The following TANC2 variants were observed in gnomAD, a reference collection of about 807,000 sequenced individuals.
TANC2 encodes tetratricopeptide repeat, ankyrin repeat and coiled-coil containing 2.
In TANC2, 26 loss-of-function variants were observed where a neutral mutation model predicts 210.5. The ratio of observed to expected loss-of-function variants is 0.12; its 90% confidence interval spans 0.09 to 0.17. TANC2 has a LOEUF of 0.17. Ranked by LOEUF, TANC2 falls within the 10% of genes least tolerant of loss-of-function variation. TANC2 has a pLI of 1.00. For synonymous variants in TANC2, 931 were observed against 967.1 expected (o/e 0.96, Z 0.69); for missense variants, 2,129 against 2,608.9 (o/e 0.82, Z 4.01).
At chr17:63,276,071 A>T (rs1043873106) in intron 9 of TANC2, among the ~76,000 whole-genome samples, 9 of 152,266 alleles carry the variant, frequency 5.9e-5, no homozygotes, top group Non-Finnish European at 1.3e-4. Flanking sequence ...TTGCAAAAAA[A>T]TTTTGTAATT....
intron 1 of TANC2, among the ~76,000 whole-genome samples, chr17:62,982,383 A>C (rs1018465002): frequency 6.6e-6 from 1 of 152,140 alleles, no homozygotes; most frequent in African/African-American, 2.4e-5. Context: ...AGTTCTCCCC[A>C]CCTTACCAAT....
chr17:63,160,075 G>T (rs554791086), intron 5 of TANC2, among the ~76,000 whole-genome samples: 1 of 152,362 alleles, frequency 6.6e-6, no homozygotes, highest in African/African-American at 2.4e-5. Flanking sequence ...TGAGAGCAGA[G>T]AGGTTTCTCT....
chr17:63,410,940 A>C (rs556013882), intron 21 of TANC2, among the ~76,000 whole-genome samples: 49 of 152,070 alleles, frequency 3.2e-4, no homozygotes, highest in African/African-American at 1.2e-3. Context: ...AATAGTATAC[A>C]TAAAAAGAAA....
intron 7 of TANC2, among the ~76,000 whole-genome samples, chr17:63,226,788 T>G (rs909421769): frequency 6.6e-6 from 1 of 152,108 alleles, no homozygotes; most frequent in Non-Finnish European, 1.5e-5. Context: ...AGTGGTGGTG[T>G]TCCCCTCCTT....
At chr17:63,069,258 C>T (rs1202260300) in intron 2 of TANC2, among the ~76,000 whole-genome samples, 1 of 152,072 alleles carries the variant, frequency 6.6e-6, no homozygotes, top group Non-Finnish European at 1.5e-5. Context: ...GCTATTGGCA[C>T]TGTTGAAATC....
intron 5 of TANC2, among the ~76,000 whole-genome samples, chr17:63,183,333 G>A (rs1437233470): frequency 6.6e-6 from 1 of 152,202 alleles, no homozygotes; most frequent in Non-Finnish European, 1.5e-5. Flanking sequence ...CAGCATGGCA[G>A]CATGAATCTT....
chr17:63,042,546 G>A (rs547665302), intron 2 of TANC2, among the ~76,000 whole-genome samples: 26 of 152,044 alleles, frequency 1.7e-4, no homozygotes, highest in Non-Finnish European at 3.1e-4. Flanking sequence ...GTGTTAAAAA[G>A]TAAGATGATG....
At chr17:63,033,651 TTA>T (rs2034861621) in intron 2 of TANC2, among the ~76,000 whole-genome samples, 1 of 152,068 alleles carries the variant, frequency 6.6e-6, no homozygotes, top group African/African-American at 2.4e-5. Context: ...AACACCATGT[TTA>T]TAAAGGAAGT....
chr17:63,105,773 A>G (rs943168149), intron 4 of TANC2, among the ~76,000 whole-genome samples: 6 of 151,682 alleles, frequency 4.0e-5, no homozygotes, highest in African/African-American at 7.3e-5. Context: ...ATTAGTCTCT[A>G]TAGTCAAGAT....
chr17:63,256,169 A>C (rs1289795875), intron 8 of TANC2, among the ~76,000 whole-genome samples: 5 of 152,044 alleles, frequency 3.3e-5, no homozygotes, highest in Middle Eastern at 3.4e-3. Context: ...CGGCCTCCCA[A>C]AGTGCTAGGA....
At chr17:62,996,994 T>TTTTTTTTTTTTTTTTTTTTTTTTTTTTG (rs2033144497) in intron 1 of TANC2, among the ~76,000 whole-genome samples, 8 of 143,768 alleles carry the variant, frequency 5.6e-5, no homozygotes, top group African/African-American at 1.9e-4. Flanking sequence ...TTTGTATTTT[T>TTTTTTTTTTTTTTTTTTTTTTTTTTTTG]AGTATAGATG....
intron 4 of TANC2, among the ~76,000 whole-genome samples, chr17:63,123,149 G>A (rs1411871252): frequency 6.6e-6 from 1 of 152,178 alleles, no homozygotes. Context: ...TGCCAAAGAT[G>A]ATTATACAAT....
intron 5 of TANC2, chr17:63,155,223 A>C (rs1224032352): frequency 6.6e-6 from 1 of 152,138 alleles, no homozygotes; most frequent in African/African-American, 2.4e-5. Flanking sequence ...AAACAAAAAC[A>C]AAAACAAAAC....
chr17:62,966,549 C>T lies in TANC2; in HGVS notation c.-224C>T, dbSNP rs1337543833. On this transcript the variant is annotated 5_prime_UTR_variant, in exon 1 of 28. Transcript: ENST00000689528. This position sits in a 1 kb window ranked among gnomAD's most constrained non-coding sequence, Gnocchi z 5.1. The stretch of plus-strand genomic sequence containing the variant: ...GAGCTGGCCCCCGAGCCGCCGCTGA[C>T]AGGAGCACCGCCGCGGGCTGCGCTC... 6.6e-6 allele frequency among the ~76,000 whole-genome samples: 1 copy of T among 150,624 alleles called. No individual in the cohort carries two copies. Among genetic ancestry groups the T allele is most frequent in the Non-Finnish European group, 1.5e-5 (1 of 67,538 alleles).
At chr17:63,178,970 T>C (rs1044585160) in intron 5 of TANC2, among the ~76,000 whole-genome samples, 1 of 152,206 alleles carries the variant, frequency 6.6e-6, no homozygotes, top group African/African-American at 2.4e-5. Context: ...TTTTTTCAAA[T>C]GTTGTAAAGT....
chr17:63,090,536 C>G (rs977255077), intron 3 of TANC2, among the ~76,000 whole-genome samples: 1 of 152,200 alleles, frequency 6.6e-6, no homozygotes, highest in Non-Finnish European at 1.5e-5. Context: ...AGGACACGAA[C>G]TCATCCTTTT....
intron 5 of TANC2, among the ~76,000 whole-genome samples, chr17:63,179,782 T>A (rs1282246046): frequency 2.0e-5 from 3 of 151,936 alleles, no homozygotes; most frequent in Non-Finnish European, 4.4e-5. Flanking sequence ...ATCCCTTTCC[T>A]CCCCTCACCC....
chr17:63,153,858 G>A (rs1353769492), intron 5 of TANC2: 8 of 152,084 alleles, frequency 5.3e-5, no homozygotes, highest in African/African-American at 1.9e-4. Context: ...CCTGACATCT[G>A]TGTACCCACG....
rs144535340 is a variant in TANC2 at position 63,107,958 on chromosome 17, A to G, written c.322+8601A>G. On this transcript the variant is annotated intron_variant, in intron 4 of 27. Coordinates refer to ENST00000689528, the Ensembl canonical transcript of TANC2. ...TCCATTAAATTGTACTTATATCTCA[A>G]TAAGGAAGTTTTTTAAAAATAAAAA... 6.2e-3 allele frequency among the ~76,000 whole-genome samples: 942 copies of G among 151,922 alleles called. 44 individuals are homozygous for G. The highest frequency in any genetic ancestry group is 0.021 in the African/African-American group (863 of 41,152).
Sources: gnomAD v4.1 joint callset for allele counts (sites outside exome capture counted in the v4.1 genomes callset) on GRCh38, gnomAD v4.1.1 for gene constraint, Gnocchi (gnomAD v3.1) non-coding constraint, MANE v1.5 for transcripts, NCBI Gene and HGNC (gene_info 2026-07-23, HGNC 2026-07-21) for gene names.